INPP5F: variants seen among roughly 807,000 people sequenced by gnomAD.
INPP5F encodes phosphatidylinositide 4-phosphatase SAC2.
INPP5F carries 97 observed loss-of-function variants against 137.2 expected under a neutral mutation model. The ratio of observed to expected loss-of-function variants is 0.71; its 90% confidence interval spans 0.60 to 0.84. The LOEUF (loss-of-function observed/expected upper bound fraction) is 0.84. Among genes scored for constraint, INPP5F ranks in the 40% least tolerant of loss-of-function variants. INPP5F has a pLI of 0.00. For missense variants in INPP5F, 1,271 were observed against 1,371.9 expected (o/e 0.93, Z 1.16); for synonymous variants, 504 against 476.9 (o/e 1.06, Z -0.74).
At chr10:119,802,376 T>C (rs550764841) in intron 9 of INPP5F, among the ~76,000 whole-genome samples, 1 of 152,304 alleles carries the variant, frequency 6.6e-6, no homozygotes, top group South Asian at 2.1e-4. Context: ...TTAAGCCATG[T>C]TGGAACCGTC....
intron 8 of INPP5F, 123 bp from the exon 9 acceptor site, chr10:119,798,420 T>C: frequency 1.6e-6 from 1 of 642,086 alleles, no homozygotes; most frequent in Non-Finnish European, 2.7e-6. Context: ...ATGATGGTTT[T>C]AGACAATCTT....
intron 9 of INPP5F, chr10:119,799,227 TC>T: frequency 3.0e-6 from 1 of 336,892 alleles, no homozygotes; most frequent in Non-Finnish European, 5.9e-6. Context: ...TAATAGTAAT[TC>T]TGTTATCCAT....
chr10:119,818,791 C>G (rs1851408196), intron 15 of INPP5F: 2 of 152,254 alleles, frequency 1.3e-5, no homozygotes, highest in South Asian at 2.1e-4. Flanking sequence ...GACGGACGGA[C>G]AGACGGACGG....
intron 15 of INPP5F, among the ~76,000 whole-genome samples, chr10:119,818,524 C>G (rs1851387302): frequency 6.6e-6 from 1 of 152,244 alleles, no homozygotes; most frequent in African/African-American, 2.4e-5. Flanking sequence ...AAGGCGCCAG[C>G]GAACTCTCGC....
At chr10:119,742,046 C>T (rs1023652640) in intron 1 of INPP5F, among the ~76,000 whole-genome samples, 4 of 152,160 alleles carry the variant, frequency 2.6e-5, no homozygotes, top group African/African-American at 7.2e-5. Flanking sequence ...GTCTCGAACT[C>T]CTGGCCTCAA....
rs537324188 is a variant in INPP5F, at chr10:119,792,630, T to G, written c.669+417T>G. On this transcript the variant is annotated intron_variant, in intron 6 of 19. Coordinates refer to ENST00000650623, the MANE Select transcript of INPP5F (RefSeq NM_014937.4). Reference sequence around the variant, plus strand: ...TCTGTTTTCTATCTGGGAATTGGAATAGCCAAATCTCTGAGGCCATTGCTG... The same window carrying G: ...TCTGTTTTCTATCTGGGAATTGGAAGAGCCAAATCTCTGAGGCCATTGCTG... 2.0e-5 allele frequency among the ~76,000 whole-genome samples: 3 copies of G among 149,680 alleles called. No individual in the cohort carries two copies. In the East Asian group the frequency reaches 6.1e-4, roughly 30 times the overall value.
intron 6 of INPP5F, among the ~76,000 whole-genome samples, chr10:119,793,435 A>T (rs1222844391): frequency 7.0e-6 from 1 of 142,452 alleles, no homozygotes; most frequent in East Asian, 2.2e-4. Context: ...AAAACAAAAC[A>T]AAACTGAGAT....
intron 3 of INPP5F, 140 bp downstream of exon 3, chr10:119,781,911 A>T: frequency 1.4e-6 from 1 of 691,260 alleles, no homozygotes; most frequent in Non-Finnish European, 2.3e-6. Flanking sequence ...AAGATTTTCC[A>T]ACTTAGTAGT....
At chr10:119,804,428 C>G in intron 10 of INPP5F, 131 bp downstream of exon 10, 1 of 763,816 alleles carries the variant, frequency 1.3e-6, no homozygotes, top group South Asian at 2.6e-5. Flanking sequence ...AAAAGGGTAT[C>G]ATTCATTTAC....
At chr10:119,795,663 T>C (rs1254608178) in intron 6 of INPP5F, among the ~76,000 whole-genome samples, 1 of 151,814 alleles carries the variant, frequency 6.6e-6, no homozygotes, top group Non-Finnish European at 1.5e-5. Context: ...GCTCCTCACT[T>C]CCCAGACGGG....
At chr10:119,732,036 G>GTTTTT (rs57619660) in intron 1 of INPP5F, among the ~76,000 whole-genome samples, 2 of 101,612 alleles carry the variant, frequency 2.0e-5, no homozygotes, top group Non-Finnish European at 3.9e-5. Context: ...AAGACAAGTG[G>GTTTTT]TTTTTTTTTT....
chr10:119,750,381 C>T (rs1280316240), intron 1 of INPP5F, among the ~76,000 whole-genome samples: 1 of 152,154 alleles, frequency 6.6e-6, no homozygotes. Context: ...GAGAATAAAC[C>T]CTGTCCTTAG....
intron 15 of INPP5F, chr10:119,819,139 C>T (rs1029598062): frequency 1.3e-5 from 2 of 157,642 alleles, no homozygotes; most frequent in Admixed American, 1.3e-4. Flanking sequence ...AATAGAGCAG[C>T]TTCTTCAGAG....
chr10:119,790,813 A>G (rs1362658141), intron 3 of INPP5F, among the ~76,000 whole-genome samples: 1 of 152,188 alleles, frequency 6.6e-6, no homozygotes, highest in Non-Finnish European at 1.5e-5. Flanking sequence ...CTCAACTTTA[A>G]TCAGGTAGCC....
intron 3 of INPP5F, among the ~76,000 whole-genome samples, chr10:119,782,229 C>G (rs1436601502): frequency 6.6e-6 from 1 of 152,218 alleles, no homozygotes; most frequent in Non-Finnish European, 1.5e-5. Flanking sequence ...AAAAGGAAGA[C>G]AGTCACTCAT....
At chr10:119,822,369 C>T in intron 16 of INPP5F, 62 bp from the exon 17 acceptor site, 1 of 862,792 alleles carries the variant, frequency 1.2e-6, no homozygotes, top group Non-Finnish European at 1.8e-6. Context: ...TTATGCCTTC[C>T]CTGACAAGCC....
intron 9 of INPP5F, among the ~76,000 whole-genome samples, chr10:119,801,812 G>A (rs537137356): frequency 6.6e-5 from 10 of 152,220 alleles, no homozygotes; most frequent in African/African-American, 1.7e-4. Context: ...AGTGTAACGT[G>A]CAATTATAAA....
rs545741121 is a variant in INPP5F at position 119,727,270 on chromosome 10, GACTT to G, written c.97+916_97+919del. 3.9e-5 allele frequency among the ~76,000 whole-genome samples: 6 copies of G among 152,302 alleles called. No homozygotes were observed. The South Asian group carries it at 1.0e-3, about 26-fold the overall frequency. ...TTAAGGAAGGAGCCAGAGCTTTTCA[GACTT>G]ACTTGTAATTCTTATGTGCAGTCTA... On this transcript the variant is annotated intron_variant, in intron 1 of 19. Coordinates refer to ENST00000650623, the MANE Select transcript of INPP5F (RefSeq NM_014937.4).
At chr10:119,820,719 A>AT (rs1189831275) in intron 15 of INPP5F, 127 bp from the exon 16 acceptor site, 1 of 683,110 alleles carries the variant, frequency 1.5e-6, no homozygotes, top group African/African-American at 1.8e-5. Flanking sequence ...GAACTCATTG[A>AT]TTACCTTCTT....
Sources: gnomAD v4.1 joint callset for allele counts (sites outside exome capture counted in the v4.1 genomes callset) on GRCh38, gnomAD v4.1.1 for gene constraint, MANE v1.5 for transcripts, NCBI Gene and HGNC (gene_info 2026-07-23, HGNC 2026-07-21) for gene names.